Variants in NSL1 observed in about 807,000 individuals in gnomAD.
The protein encoded by NSL1 is kinetochore-associated protein NSL1 homolog.
A neutral mutation model predicts 25.4 loss-of-function variants in NSL1; 11 were observed. The ratio of observed to expected loss-of-function variants is 0.43; its 90% CI spans 0.27 to 0.72. The LOEUF is 0.72. Ranked by LOEUF, NSL1 falls within the 30% of genes least tolerant of loss-of-function variation. The probability of loss-of-function intolerance (pLI) is 0.19; values close to 1 mark genes in which losing one functional copy is unlikely to be tolerated. For missense variants in NSL1, 330 were observed against 342.7 expected, an observed-to-expected ratio of 0.96 and a Z score of 0.29; for synonymous variants, 118 against 120.6, an observed-to-expected ratio of 0.98 and a Z score of 0.14.
In NSL1 at chr1:212,726,992, TCTCAGAGGCCCTCCAGTCCAGTCTA is replaced by T; in HGVS notation, c.*11391_*11415del. ...GAGAGTGTGCTTCCTGGCTGTGTCC[TCTCAGAGGCCCTCCAGTCCAGTCTA>T]CTCCGGCCTTGGAGATGACTGCCGA... On this transcript the variant is annotated 3_prime_UTR_variant, in exon 6 of 6. Transcript: ENST00000366977. The T allele has an allele frequency of 3.3e-6, 3 of 902,112 alleles. No homozygotes were observed. Among genetic ancestry groups the T allele is most frequent in the Non-Finnish European group, 4.9e-6 (3 of 615,218 alleles). 55.9% of individuals were successfully genotyped at this position (902,112 alleles called of 1,614,324 possible). A position where few individuals can be genotyped will look rare whatever the true frequency, so the allele number is the denominator to read the frequency against.
chr1:212,731,673 AATT>A lies in NSL1; in HGVS notation c.*6732_*6734del. The A allele has an allele frequency of 1.0e-6, 1 of 985,414 alleles. No homozygotes were observed. The highest frequency in any genetic ancestry group is 1.2e-6 in the Non-Finnish European group (1 of 829,932). 61.0% of individuals were successfully genotyped at this position (985,414 alleles called of 1,614,324 possible). A position where few individuals can be genotyped will look rare whatever the true frequency, so the allele number is the denominator to read the frequency against. On this transcript the variant is annotated 3_prime_UTR_variant, in exon 6 of 6. Transcript: ENST00000366977. ...GTCAGCTCTTTATTCTGCTGCACTA[AATT>A]ATATCCATATTGTATGATCTTGAAT...
intron 4 of NSL1, among the ~76,000 whole-genome samples, chr1:212,769,849 T>C (rs1256365653): frequency 6.6e-6 from 1 of 152,060 alleles, no homozygotes; most frequent in Non-Finnish European, 1.5e-5. Flanking sequence ...CCCTTACATA[T>C]CAATAATAAT....
intron 4 of NSL1, among the ~76,000 whole-genome samples, chr1:212,778,546 G>A (rs1345044681): frequency 1.3e-5 from 2 of 152,064 alleles, no homozygotes; most frequent in African/African-American, 2.4e-5. Flanking sequence ...TTGCAGGCGC[G>A]CGCCGCCACG....
intron 3 of NSL1, 45 bp downstream of exon 3, chr1:212,784,318 T>C (rs1471666903): frequency 7.4e-7 from 1 of 1,348,586 alleles, no homozygotes; most frequent in Non-Finnish European, 1.0e-6. Context: ...AATGTTTTTA[T>C]TGTGGTAAAA....
rs1658216540 is a variant in NSL1, at chr1:212,735,937, T to C, written c.*2471A>G. On this transcript the variant is annotated 3_prime_UTR_variant, in exon 6 of 6. Transcript: ENST00000366977. ...CCACCCAGCCTGTGGTATTCTGTTA[T>C]AGTAGCCTAAATAAACAAATGTAGA... is the stretch of plus-strand genomic sequence containing the variant. The C allele has an allele frequency of 2.0e-6, 2 of 984,980 alleles. No individual in the cohort carries two copies. Among genetic ancestry groups the C allele is most frequent in the South Asian group, 4.7e-5 (1 of 21,284 alleles). The allele number at this position is 984,980 out of a possible 1,614,324, so 61.0% of individuals were successfully genotyped here.
At chr1:212,749,339 G>GTTATTTT (rs1658954520) in intron 4 of NSL1, among the ~76,000 whole-genome samples, 1 of 76,952 alleles carries the variant, frequency 1.3e-5, no homozygotes, top group Non-Finnish European at 2.5e-5. Flanking sequence ...GTTTTATTGT[G>GTTATTTT]TTTTTTTTTT....
chr1:212,791,199 T>G (rs1406116565), intron 1 of NSL1, among the ~76,000 whole-genome samples: 3 of 152,220 alleles, frequency 2.0e-5, no homozygotes, highest in African/African-American at 4.8e-5. Context: ...TCATTTGATA[T>G]TATTACATGT....
chr1:212,748,438 T>C (rs993279540), intron 4 of NSL1, among the ~76,000 whole-genome samples: 1 of 152,202 alleles, frequency 6.6e-6, no homozygotes, highest in African/African-American at 2.4e-5. Context: ...AGTAGCTTTA[T>C]TCATATAGCC....
chr1:212,764,995 T>C (rs1168076810), intron 4 of NSL1, among the ~76,000 whole-genome samples: 2 of 150,428 alleles, frequency 1.3e-5, no homozygotes, highest in African/African-American at 4.9e-5. Context: ...AGGAGGTAGA[T>C]AAGTTCCTGG....
At position 212,732,013 on chromosome 1, in the gene NSL1, A is replaced by G; in HGVS notation, c.*6395T>C. The stretch of plus-strand genomic sequence containing the variant: ...GCTAATTCCCATCCTTTAGCCTCCC[A>G]GTGTAACTGTCCCAATTTTTTTTTT... On this transcript the variant is annotated 3_prime_UTR_variant, in exon 6 of 6. Transcript: ENST00000366977. 1 of 978,410 alleles carries G rather than the reference A, an allele frequency of 1.0e-6. No individual in the cohort carries two copies. The allele number at this position is 978,410 out of a possible 1,614,324, so 60.6% of individuals were successfully genotyped here.
chr1:212,728,802 G>A lies in NSL1; in HGVS notation c.*9606C>T, dbSNP rs972501817. 1.7e-4 allele frequency: 166 copies of A among 985,360 alleles called. No individual in the cohort carries two copies. The highest frequency in any genetic ancestry group is 2.0e-4 in the Non-Finnish European group (166 of 829,914). The allele number at this position is 985,360 out of a possible 1,614,324, so 61.0% of individuals were successfully genotyped here. ...TCCCTTCTGTTTTTCCTCTCACTCT[G>A]ACTCGAGGAGGGCCCTCAGCGCAGA... On this transcript the variant is annotated 3_prime_UTR_variant, in exon 6 of 6. Transcript: ENST00000366977.
chr1:212,751,685 AAGT>A (rs1219795529), intron 4 of NSL1, among the ~76,000 whole-genome samples: 1 of 147,186 alleles, frequency 6.8e-6, no homozygotes, highest in Non-Finnish European at 1.5e-5. Flanking sequence ...ATTTAAAACT[AAGT>A]AGCACCAATA....
intron 3 of NSL1, among the ~76,000 whole-genome samples, chr1:212,782,936 A>G (rs1028762342): frequency 2.6e-5 from 4 of 152,228 alleles, no homozygotes; most frequent in Admixed American, 2.6e-4. Context: ...GCAAAAAGAA[A>G]GAGGAAATTG....
In NSL1 at chr1:212,746,532, T is replaced by C. The variant is rs141143558; in HGVS notation, c.500-6931A>G. Among the ~76,000 whole-genome samples the C allele has an allele frequency of 3.5e-3, 534 of 152,288 alleles. 7 individuals carry two copies. Among genetic ancestry groups the C allele is most frequent in the African/African-American group, 0.012 (511 of 41,560 alleles). On this transcript the variant is annotated intron_variant, in intron 4 of 5. Coordinates refer to ENST00000366977, the MANE Select transcript of NSL1 (RefSeq NM_015471.4). ...AAAACAAATACCAAAATAGCAAAAG[T>C]CCTTCCTTATCAGTAAGTGTAAATG...
chr1:212,791,513 G>T lies in NSL1; in HGVS notation c.234+17C>A. 1 of 1,602,408 alleles carries T rather than the reference G, an allele frequency of 6.2e-7. No homozygotes were observed. Among genetic ancestry groups the T allele is most frequent in the Non-Finnish European group, 8.5e-7 (1 of 1,170,948 alleles). On this transcript the variant is annotated intron_variant, in intron 1 of 5. Coordinates refer to ENST00000366977, the MANE Select transcript of NSL1 (RefSeq NM_015471.4). ...TAAGAGGATGATGAGTAAAGAACTGGCTAACTGGTCCCGTACCCACTGCGC... is the reference window on the plus strand; with the variant it reads ...TAAGAGGATGATGAGTAAAGAACTGTCTAACTGGTCCCGTACCCACTGCGC...
In NSL1 at chr1:212,745,160, CT is replaced by C. The variant is rs1373549008; in HGVS notation, c.500-5560del. Among the ~76,000 whole-genome samples the C allele has an allele frequency of 3.7e-3, 430 of 117,324 alleles. 1 individual carries two copies. The highest frequency in any genetic ancestry group is 5.6e-3 in the Non-Finnish European group (338 of 60,430). 77.0% of individuals were successfully genotyped at this position (117,324 alleles called of 152,430 possible). ...CAAAACAAACAAACAAACAAACAAA[CT>C]ATATATATATATATATATATATATA... is the stretch of plus-strand genomic sequence containing the variant. On this transcript the variant is annotated intron_variant, in intron 4 of 5. Transcript: ENST00000366977.
chr1:212,777,206 G>C (rs909267533), intron 4 of NSL1, among the ~76,000 whole-genome samples: 1 of 151,650 alleles, frequency 6.6e-6, no homozygotes, highest in African/African-American at 2.4e-5. Flanking sequence ...GGACTCCATC[G>C]CTACAAAAAA....
rs912460744 is a variant in NSL1, at chr1:212,791,558, C to G, written c.206G>C (p.Arg69Pro). 2 of 1,613,734 alleles carry G rather than the reference C, an allele frequency of 1.2e-6. No individual in the cohort carries two copies. Among genetic ancestry groups the G allele is most frequent in the Middle Eastern group, 1.7e-4 (1 of 6,060 alleles). The change falls in exon 1 of 6, where the codon CGG becomes CCG. Residue 69 changes from arginine to proline, a missense_variant. Physicochemically the swap from Arg to Pro is moderately radical, Grantham distance 103. Coordinates refer to ENST00000366977, the MANE Select transcript of NSL1 (RefSeq NM_015471.4). ...KLGDALPEEI[R>P]EPALRDAQWT... ...CTGCGCATCTCGCAGAGCGGGCTCCCGAATCTCCTCCGGCAGAGCGTCCCC... is the reference window on the plus strand; with the variant it reads ...CTGCGCATCTCGCAGAGCGGGCTCCGGAATCTCCTCCGGCAGAGCGTCCCC...
At chr1:212,743,102 C>G (rs1328842620) in intron 4 of NSL1, among the ~76,000 whole-genome samples, 1 of 152,202 alleles carries the variant, frequency 6.6e-6, no homozygotes, top group Non-Finnish European at 1.5e-5. Context: ...AAAGTCTCAA[C>G]TGAATCTAAA....
Sources: gnomAD v4.1 joint callset for allele counts (sites outside exome capture counted in the v4.1 genomes callset) on GRCh38, gnomAD v4.1.1 for gene constraint, MANE v1.5 for transcripts, NCBI Gene and HGNC (gene_info 2026-07-23, HGNC 2026-07-21) for gene names.